TREH: variants seen among roughly 807,000 people sequenced by gnomAD.
The protein encoded by TREH is alpha,alpha-trehalose glucohydrolase.
TREH carries 69 observed loss-of-function variants against 80.5 expected under a neutral mutation model. The observed-to-expected ratio is 0.86, with a 90% CI of 0.71 to 1.05. TREH has a LOEUF of 1.05. Ranked by LOEUF, TREH falls within the 50% of genes least tolerant of loss-of-function variation. The pLI, the probability that TREH is intolerant of heterozygous loss-of-function variation, is 0.00. For missense variants in TREH, 716 were observed against 718.8 expected (o/e 1.00, Z 0.04); for synonymous variants, 309 against 293.5 (o/e 1.05, Z -0.54).
chr11:118,670,116 G>A (rs782212606), intron 1 of TREH, among the ~76,000 whole-genome samples: 10 of 152,160 alleles, frequency 6.6e-5, no homozygotes, highest in Non-Finnish European at 1.3e-4. Flanking sequence ...TCAATTTCCA[G>A]TTCCACTCCC....
Position 118,658,160 on chromosome 11 carries a change from A to G in TREH, c.*129T>C, listed in dbSNP as rs2137249582. The G allele has an allele frequency of 7.5e-7, 1 of 1,331,704 alleles. No homozygotes were observed. The highest frequency in any genetic ancestry group is 1.0e-6 in the Non-Finnish European group (1 of 980,592). The allele number at this position is 1,331,704 out of a possible 1,614,324, so 82.5% of individuals were successfully genotyped here. On this transcript the variant is annotated 3_prime_UTR_variant, in exon 15 of 15. Transcript: ENST00000264029. ...CCCTACCCATGACCTCCAGGTCGTG[A>G]CCCTGCCCTCCACTTCGCTCTGAGG...
intron 1 of TREH, among the ~76,000 whole-genome samples, chr11:118,675,393 C>A (rs1212730498): frequency 6.6e-6 from 1 of 152,214 alleles, no homozygotes; most frequent in Non-Finnish European, 1.5e-5. Flanking sequence ...ACACCAGCCA[C>A]AAGTTCAGGG....
At position 118,663,415 on chromosome 11, in the gene TREH, G is replaced by T; in HGVS notation, c.114C>A (p.Leu38=). ...GCTTGGCCATTTGAACTTGGTTTAG[G>T]AGCTCCCCGTGGCAGTAAATCTCAC... ...CESEIYCHGE[L]LNQVQMAKLY... The change falls in exon 2 of 15, where the codon CTC becomes CTA. Residue 38 remains leucine, a synonymous_variant. Transcript: ENST00000264029. 1 of 1,590,622 alleles carries T rather than the reference G, an allele frequency of 6.3e-7. No individual in the cohort carries two copies. Among genetic ancestry groups the T allele is most frequent in the Non-Finnish European group, 8.6e-7 (1 of 1,168,246 alleles).
intron 13 of TREH, 21 bp downstream of exon 13, chr11:118,658,884 G>A: frequency 3.1e-6 from 5 of 1,613,336 alleles, no homozygotes; most frequent in Non-Finnish European, 4.2e-6. Context: ...GGGGGTGCAG[G>A]GAGGGCTTGG....
chr11:118,659,441 G>T lies in TREH; in HGVS notation c.1361C>A (p.Ser454Tyr). ...CCACTGCTGGCCTGTCTTCTGGAGA[G>T]AGGTCGGGATCCCATACTGGTAAGT... ...ILTYQYGIPTSLQKTGQQWDF... is the reference protein window; with the variant it reads ...ILTYQYGIPTYLQKTGQQWDF... Residue 454 changes from serine to tyrosine, a missense_variant, in exon 12 of 15, where the codon TCT becomes TAT. Ser to Tyr is a moderately radical substitution (Grantham distance 144). Coordinates refer to ENST00000264029, the MANE Select transcript of TREH (RefSeq NM_007180.3). 1 of 1,607,442 alleles carries T rather than the reference G, an allele frequency of 6.2e-7. No individual in the cohort carries two copies. Among genetic ancestry groups the T allele is most frequent in the Non-Finnish European group, 8.5e-7 (1 of 1,176,640 alleles).
intron 1 of TREH, among the ~76,000 whole-genome samples, chr11:118,679,133 G>C (rs1949508775): frequency 6.6e-6 from 1 of 152,140 alleles, no homozygotes; most frequent in African/African-American, 2.4e-5. Flanking sequence ...TCCCAGCACA[G>C]TCGCCAAGCC....
intron 1 of TREH, among the ~76,000 whole-genome samples, chr11:118,671,679 A>G (rs1229927476): frequency 2.6e-5 from 4 of 152,190 alleles, no homozygotes; most frequent in Non-Finnish European, 5.9e-5. Flanking sequence ...AAAGACATCA[A>G]TATCCAAGAA....
Position 118,659,819 on chromosome 11 carries a change from G to A in TREH, c.1248C>T (p.Ser416=). ...ACCCGGCCCAGAGTGGAGTGAGGTT[G>A]GATGGGTAAAACTCCCGGTTTTTCT... is the stretch of plus-strand genomic sequence containing the variant. ...KKKKNREFYP[S]NLTPLWAGCF... Residue 416 remains serine, a synonymous_variant, in exon 11 of 15, where the codon TCC becomes TCT. Coordinates refer to ENST00000264029, the MANE Select transcript of TREH (RefSeq NM_007180.3). The A allele has an allele frequency of 1.3e-6, 2 of 1,575,884 alleles. No homozygotes were observed. The highest frequency in any genetic ancestry group is 1.7e-6 in the Non-Finnish European group (2 of 1,160,032).
chr11:118,665,682 C>T (rs548652101), intron 1 of TREH, among the ~76,000 whole-genome samples: 3 of 152,288 alleles, frequency 2.0e-5, no homozygotes, highest in African/African-American at 7.2e-5. Context: ...TACCTTTAAA[C>T]CTTCATGCCA....
Position 118,659,485 on chromosome 11 carries a change from G to T in TREH, c.1321-4C>A. 1 of 1,575,990 alleles carries T rather than the reference G, an allele frequency of 6.3e-7. No individual in the cohort carries two copies. The highest frequency in any genetic ancestry group is 8.6e-7 in the Non-Finnish European group (1 of 1,159,790). The stretch of plus-strand genomic sequence containing the variant: ...GGTAAGTCAGGATCCGGTTGTCCTA[G>T]AAGGTCCCAGACATTCCCATGACTG... On this transcript the variant is annotated splice_region_variant and splice_polypyrimidine_tract_variant and intron_variant, in intron 11 of 14. Transcript: ENST00000264029.
At position 118,672,389 on chromosome 11, in the gene TREH, C is replaced by A. The variant is rs1949437895; in HGVS notation, c.89+7150G>T. ...CTCCAGCCTGGGCAACAGAGTGAGA[C>A]ACTGTCTCAGAAAAAAAAAGAAAAA... On this transcript the variant is annotated intron_variant, in intron 1 of 14. Transcript: ENST00000264029. Among the ~76,000 whole-genome samples, 3 of 146,130 alleles carry A rather than the reference C, an allele frequency of 2.1e-5. No individual in the cohort carries two copies. The Admixed American group carries it at 2.1e-4, about 10-fold the overall frequency.
At chr11:118,678,722 A>G (rs1949504278) in intron 1 of TREH, among the ~76,000 whole-genome samples, 1 of 150,890 alleles carries the variant, frequency 6.6e-6, no homozygotes, top group African/African-American at 2.4e-5. Context: ...ATGTGGCCAC[A>G]GCTCCATAAA....
Position 118,661,262 on chromosome 11 carries a change from GC to G in TREH, c.754del (p.Ala252ProfsTer15). The G allele has an allele frequency of 6.2e-7, 1 of 1,613,962 alleles. No homozygotes were observed. The highest frequency in any genetic ancestry group is 1.3e-5 in the African/African-American group (1 of 75,034). ...CTTGGTCCAAAAGTCCAATTCCAAG[GC>G]TAGTGTTTCAATGTTTTCCCTGGAG... Reference protein sequence around the residue: ...AFLQENIETLALELDFWTKNR... With the variant: ...AFLQENIETLXLELDFWTKNR... On this transcript the variant is annotated frameshift_variant, in exon 8 of 15. Transcript: ENST00000264029. LOFTEE classifies it high-confidence loss of function. This position sits in a 1 kb window ranked among gnomAD's most constrained non-coding sequence, Gnocchi z 4.2.
intron 1 of TREH, among the ~76,000 whole-genome samples, chr11:118,668,271 A>G (rs911529306): frequency 0.038 from 7 of 182 alleles, no homozygotes; most frequent in Non-Finnish European, 0.27. Flanking sequence ...CCCTGATACC[A>G]AAACCAGGAT....
At chr11:118,668,881 G>A (rs782594909) in intron 1 of TREH, among the ~76,000 whole-genome samples, 19 of 151,970 alleles carry the variant, frequency 1.3e-4, no homozygotes, top group South Asian at 2.1e-4. Context: ...CAGAGGTTGC[G>A]CCACTGTGCT....
chr11:118,661,871 C>T lies in TREH; in HGVS notation c.524+19G>A, dbSNP rs1949327135. 1.3e-6 allele frequency: 2 copies of T among 1,563,968 alleles called. No homozygotes were observed. The highest frequency in any genetic ancestry group is 4.8e-5 in the East Asian group (2 of 41,684). On this transcript the variant is annotated intron_variant, in intron 5 of 14. Transcript: ENST00000264029. The surrounding 1 kb of genome is among the most constrained non-coding windows in gnomAD (Gnocchi z 4.2). ...GCCAGTCCTGCAGGCCCCTTGGTCT[C>T]TTGGGCCTGGGCGCTCACCAGTAGT...
rs924253484 is a variant in TREH, at chr11:118,674,212, A to G, written c.89+5327T>C. Among the ~76,000 whole-genome samples the G allele has an allele frequency of 9.2e-5, 14 of 152,366 alleles. No individual in the cohort carries two copies. The highest frequency in any genetic ancestry group is 3.4e-4 in the African/African-American group (14 of 41,586). On this transcript the variant is annotated intron_variant, in intron 1 of 14. Coordinates refer to ENST00000264029, the MANE Select transcript of TREH (RefSeq NM_007180.3). This position sits in a 1 kb window ranked among gnomAD's most constrained non-coding sequence, Gnocchi z 4.4. ...CAATTTCAAATAATGTCTGATAGCA[A>G]GCTAATAATTACCTCTCACATGGAA...
At chr11:118,662,429 A>G (rs915889939) in intron 4 of TREH, among the ~76,000 whole-genome samples, 13 of 152,142 alleles carry the variant, frequency 8.5e-5, no homozygotes, top group Admixed American at 6.5e-4. Context: ...AAAACCCCAA[A>G]CCCTTTCCCC....
At chr11:118,678,217 C>T (rs1949499010) in intron 1 of TREH, among the ~76,000 whole-genome samples, 1 of 152,176 alleles carries the variant, frequency 6.6e-6, no homozygotes, top group African/African-American at 2.4e-5. Context: ...AGCAATGGTT[C>T]CTGCCACAAT....
Sources: allele counts gnomAD v4.1 joint callset (sites outside exome capture counted in the v4.1 genomes callset), GRCh38; gene constraint gnomAD v4.1.1; non-coding constraint Gnocchi (gnomAD v3.1); transcripts MANE v1.5; gene names NCBI Gene and HGNC (gene_info 2026-07-23, HGNC 2026-07-21).